CCDC146: variants seen among roughly 807,000 people sequenced by gnomAD.
The protein encoded by CCDC146 is coiled-coil domain containing 146.
In CCDC146, 92 loss-of-function variants were observed where a neutral mutation model predicts 119.3. The observed-to-expected ratio is 0.77, with a 90% CI of 0.65 to 0.92. The LOEUF is 0.92. Ranked by LOEUF, CCDC146 falls within the 40% of genes least tolerant of loss-of-function variation. The pLI is 0.00. For missense variants in CCDC146, 1,000 were observed against 1,103.0 expected (o/e 0.91, Z 1.32); for synonymous variants, 372 against 371.8 (o/e 1.00, Z -0.01).
chr7:77,145,117 G>A (rs1378512441), intron 1 of CCDC146, among the ~76,000 whole-genome samples: 14 of 151,524 alleles, frequency 9.2e-5, no homozygotes, highest in Non-Finnish European at 1.8e-4. Flanking sequence ...GTCTATTCAG[G>A]GATTCAACTT....
rs181698216 is a variant in CCDC146, at chr7:77,126,180, G to A, written c.-12+3448G>A. ...TTATCATAAGTGAATGTTGCATTTT[G>A]TCAAATGCTTTTTCTGTATCTATGA... On this transcript the variant is annotated intron_variant, in intron 1 of 18. Coordinates refer to ENST00000285871, the MANE Select transcript of CCDC146 (RefSeq NM_020879.3). 1.3e-3 allele frequency among the ~76,000 whole-genome samples: 202 copies of A among 152,214 alleles called. 2 individuals carry two copies. Among genetic ancestry groups the A allele is most frequent in the Admixed American group, 2.6e-3 (39 of 15,292 alleles).
At chr7:77,161,287 G>A (rs1329381450) in intron 1 of CCDC146, among the ~76,000 whole-genome samples, 1 of 152,094 alleles carries the variant, frequency 6.6e-6, no homozygotes. Context: ...CCATTACTGG[G>A]TATATACCCA....
chr7:77,180,768 G>A (rs546846729), intron 2 of CCDC146, among the ~76,000 whole-genome samples: 23 of 152,232 alleles, frequency 1.5e-4, no homozygotes, highest in African/African-American at 4.6e-4. Context: ...ATGGGTTATG[G>A]GTTTGTGTAT....
rs533668648 is a variant in CCDC146 at position 77,171,062 on chromosome 7, T to C, written c.156+3238T>C. On this transcript the variant is annotated intron_variant, in intron 2 of 18. Transcript: ENST00000285871. ...ATATGTCGAACTTTGCAATAAAATT[T>C]CTACTTCTCCACCACTACCCTTAAT... 2.0e-5 allele frequency among the ~76,000 whole-genome samples: 3 copies of C among 152,350 alleles called. No individual in the cohort carries two copies. The South Asian group carries it at 6.2e-4, about 32-fold the overall frequency.
At chr7:77,262,898 G>T (rs532370526) in intron 9 of CCDC146, among the ~76,000 whole-genome samples, 1 of 152,174 alleles carries the variant, frequency 6.6e-6, no homozygotes, top group Non-Finnish European at 1.5e-5. Flanking sequence ...CTCTCAGAGG[G>T]CACTCCCTGT....
chr7:77,273,738 G>A lies in CCDC146; in HGVS notation c.1218G>A (p.Arg406=), dbSNP rs1405723125. 2.5e-6 allele frequency: 4 copies of A among 1,610,308 alleles called. No homozygotes were observed. Among genetic ancestry groups the A allele is most frequent in the African/African-American group, 2.7e-5 (2 of 74,770 alleles). ...ATGATTCTACATTATCTGAGAGAAG[G>A]CGAGAGCTTCACAAGGAAGTTGAAG... ...PKDDSTLSER[R]RELHKEVEVA... The change falls in exon 10 of 19, where the codon AGG becomes AGA. Residue 406 remains arginine, a synonymous_variant. Coordinates refer to ENST00000285871, the MANE Select transcript of CCDC146 (RefSeq NM_020879.3).
intron 17 of CCDC146, among the ~76,000 whole-genome samples, chr7:77,288,387 GTC>G (rs1793886116): frequency 6.6e-6 from 1 of 152,214 alleles, no homozygotes; most frequent in Admixed American, 6.5e-5. Flanking sequence ...GTGCCTGCAG[GTC>G]TTGCCAGGCT....
Position 77,228,810 on chromosome 7 carries a change from C to A in CCDC146, c.157-8137C>A, listed in dbSNP as rs533746818. On this transcript the variant is annotated intron_variant, in intron 2 of 18. Transcript: ENST00000285871. ...CATTCCTTTTTCTCCACAACCTCAGCAACATCTGTTATTTTTTGACTTTTT... is the reference window on the plus strand; with the variant it reads ...CATTCCTTTTTCTCCACAACCTCAGAAACATCTGTTATTTTTTGACTTTTT... 2.8e-4 allele frequency among the ~76,000 whole-genome samples: 43 copies of A among 152,342 alleles called. 1 individual carries two copies. The South Asian group carries it at 6.4e-3, about 23-fold the overall frequency.
chr7:77,237,153 G>A lies in CCDC146; in HGVS notation c.239+124G>A, dbSNP rs891989827. The A allele has an allele frequency of 8.2e-6, 6 of 735,904 alleles. No homozygotes were observed. The African/African-American group carries it at 8.8e-5, about 11-fold the overall frequency. The allele number at this position is 735,904 out of a possible 1,614,324, so 45.6% of individuals were successfully genotyped here. Reference sequence around the variant, plus strand: ...TGAGGCAAGGATTTGCGTTCAGGGAGTTTGAGAAGTGGTACGAGAAAGCAT... The same window carrying A: ...TGAGGCAAGGATTTGCGTTCAGGGAATTTGAGAAGTGGTACGAGAAAGCAT... On this transcript the variant is annotated intron_variant, in intron 3 of 18. Coordinates refer to ENST00000285871, the MANE Select transcript of CCDC146 (RefSeq NM_020879.3).
intron 2 of CCDC146, among the ~76,000 whole-genome samples, chr7:77,174,239 A>G (rs954318267): frequency 2.0e-5 from 3 of 152,210 alleles, no homozygotes; most frequent in African/African-American, 7.2e-5. Flanking sequence ...AGCATTATGC[A>G]TGGCGGTAGT....
At chr7:77,224,443 A>G (rs975919689) in intron 2 of CCDC146, among the ~76,000 whole-genome samples, 4 of 152,130 alleles carry the variant, frequency 2.6e-5, no homozygotes, top group African/African-American at 9.7e-5. Flanking sequence ...AAGTACTCAC[A>G]TGATTGGATT....
At chr7:77,212,937 C>A (rs1045900468) in intron 2 of CCDC146, among the ~76,000 whole-genome samples, 1 of 146,888 alleles carries the variant, frequency 6.8e-6, no homozygotes, top group African/African-American at 2.5e-5. Flanking sequence ...AATGTTTTAT[C>A]CAGGTCACAT....
chr7:77,246,702 A>ATAAG (rs1281418058), intron 4 of CCDC146, among the ~76,000 whole-genome samples: 1 of 152,228 alleles, frequency 6.6e-6, no homozygotes. Context: ...AATGTGGAAT[A>ATAAG]TTTAAATAAT....
chr7:77,170,698 G>A (rs1211018328), intron 2 of CCDC146, among the ~76,000 whole-genome samples: 2 of 152,092 alleles, frequency 1.3e-5, no homozygotes, highest in Non-Finnish European at 2.9e-5. Context: ...AATCTATAAG[G>A]AACTTAGACA....
intron 2 of CCDC146, among the ~76,000 whole-genome samples, chr7:77,203,751 C>T (rs1174085259): frequency 1.3e-5 from 2 of 152,168 alleles, no homozygotes; most frequent in Admixed American, 1.3e-4. Context: ...TCCTTACTAC[C>T]CTGAATCTGT....
chr7:77,151,114 G>T (rs916377679), intron 1 of CCDC146, among the ~76,000 whole-genome samples: 8 of 152,302 alleles, frequency 5.3e-5, no homozygotes, highest in African/African-American at 1.9e-4. Flanking sequence ...CCAGGTCGCA[G>T]ACTGCCAACT....
intron 9 of CCDC146, among the ~76,000 whole-genome samples, chr7:77,264,230 A>T (rs1045096622): frequency 9.2e-5 from 14 of 151,994 alleles, no homozygotes; most frequent in Admixed American, 3.3e-4. Context: ...TTGGCGTGTT[A>T]GATTCTGCAT....
intron 1 of CCDC146, among the ~76,000 whole-genome samples, chr7:77,128,807 C>G (rs1790744038): frequency 6.6e-6 from 1 of 152,164 alleles, no homozygotes; most frequent in Non-Finnish European, 1.5e-5. Flanking sequence ...TACTCTTTCT[C>G]TCTTTTTCTT....
chr7:77,162,737 C>T (rs2117472307), intron 1 of CCDC146, among the ~76,000 whole-genome samples: 1 of 151,932 alleles, frequency 6.6e-6, no homozygotes, highest in East Asian at 1.9e-4. Context: ...TATAGTAAAC[C>T]ATTTTAACAA....
Sources: gnomAD v4.1 joint callset for allele counts (sites outside exome capture counted in the v4.1 genomes callset) on GRCh38, gnomAD v4.1.1 for gene constraint, MANE v1.5 for transcripts, NCBI Gene and HGNC (gene_info 2026-07-23, HGNC 2026-07-21) for gene names.